Variants in OCA2 observed in about 807,000 individuals in gnomAD.
The protein encoded by OCA2 is OCA2 melanosomal transmembrane protein.
In OCA2, 77 loss-of-function variants were observed where a neutral mutation model predicts 100.2. That is an observed-to-expected ratio of 0.77 (90% CI 0.64 to 0.93). The LOEUF is 0.93. OCA2 is among the 40% of genes least tolerant of loss of function. The pLI, the probability that OCA2 is intolerant of heterozygous loss-of-function variation, is 0.00. For synonymous variants in OCA2, 432 were observed against 439.2 expected (o/e 0.98, Z 0.21); for missense variants, 1,062 against 1,089.1 (o/e 0.98, Z 0.35).
intron 2 of OCA2, among the ~76,000 whole-genome samples, chr15:28,054,330 AGT>A (rs2043620008): frequency 2.6e-5 from 4 of 152,262 alleles, no homozygotes; most frequent in Admixed American, 2.0e-4. Flanking sequence ...GCATGTATGA[AGT>A]GTGTGTTTAT....
In OCA2 at chr15:28,027,917, C is replaced by T. The variant is rs1432167731; in HGVS notation, c.469G>A (p.Asp157Asn). Reference protein sequence around the residue: ...LSASASSEKGDLLDSPHIRLR... With the variant: ...LSASASSEKGNLLDSPHIRLR... Reference sequence around the variant, plus strand: ...CGGATGTGCGGGCTGTCCAGAAGGTCTCCCTTCTCGGAGGAGGCAGATGCA... The same window carrying T: ...CGGATGTGCGGGCTGTCCAGAAGGTTTCCCTTCTCGGAGGAGGCAGATGCA... The change falls in exon 4 of 24, where the codon GAC (aspartate) becomes AAC (asparagine). Residue 157 changes from aspartate to asparagine, a missense_variant. Coordinates refer to ENST00000354638, the MANE Select transcript of OCA2 (RefSeq NM_000275.3). 6.2e-7 allele frequency: 1 copy of T among 1,614,002 alleles called. No homozygotes were observed.
chr15:27,976,293 T>C (rs2040963808), intron 14 of OCA2, among the ~76,000 whole-genome samples: 1 of 152,198 alleles, frequency 6.6e-6, no homozygotes, highest in African/African-American at 2.4e-5. Flanking sequence ...TCCAATAAAA[T>C]GTTGAATAAA....
chr15:27,881,100 T>A (rs2036995393), intron 19 of OCA2, among the ~76,000 whole-genome samples: 1 of 152,200 alleles, frequency 6.6e-6, no homozygotes, highest in African/African-American at 2.4e-5. Flanking sequence ...AGGCCTTTTT[T>A]GTGTCTATTG....
intron 2 of OCA2, among the ~76,000 whole-genome samples, chr15:28,033,137 A>G (rs1465001834): frequency 1.3e-5 from 2 of 152,248 alleles, no homozygotes; most frequent in African/African-American, 2.4e-5. Context: ...AAGTAACTGC[A>G]CAACCACAAC....
the OCA2 span, among the ~76,000 whole-genome samples, chr15:27,729,831 A>G: frequency 6.6e-6 from 1 of 152,338 alleles, no homozygotes; most frequent in South Asian, 2.1e-4. Flanking sequence ...TTAGTGTTTC[A>G]TAATTTACAC....
At chr15:27,775,438 A>T (rs2032153405) in intron 23 of OCA2, among the ~76,000 whole-genome samples, 1 of 152,108 alleles carries the variant, frequency 6.6e-6, no homozygotes, top group Admixed American at 6.5e-5. Context: ...ATGAAAGCAG[A>T]TTCTCTCCAG....
chr15:27,830,797 CAGTGAGGAGACTG>C (rs1171228995), intron 23 of OCA2, among the ~76,000 whole-genome samples: 1 of 152,112 alleles, frequency 6.6e-6, no homozygotes, highest in South Asian at 2.1e-4. Context: ...ATTCAATAGC[CAGTGAGGAGACTG>C]GAAGACTGGT....
intron 2 of OCA2, among the ~76,000 whole-genome samples, chr15:28,076,771 C>T (rs1036569078): frequency 9.3e-4 from 134 of 143,800 alleles, no homozygotes; most frequent in African/African-American, 3.4e-3. Flanking sequence ...GGCGTGAACC[C>T]GGGAAGCGGA....
At chr15:27,837,212 ATCCTCCCTAGGAAGTGCCGCAAATAAGAT>A (rs1464583530) in intron 23 of OCA2, among the ~76,000 whole-genome samples, 1 of 152,196 alleles carries the variant, frequency 6.6e-6, no homozygotes, top group Non-Finnish European at 1.5e-5. Context: ...ATAAAATCAT[ATCCTCCCTAGGAAGTGCCGCAAATAAGAT>A]TCCTTGGGCA....
intron 23 of OCA2, among the ~76,000 whole-genome samples, chr15:27,825,660 A>T (rs909927936): frequency 2.6e-5 from 4 of 152,112 alleles, no homozygotes; most frequent in African/African-American, 9.7e-5. Flanking sequence ...TTTTAGGGTG[A>T]TGTCCCCGGC....
chr15:28,085,827 C>A (rs1307889560), intron 1 of OCA2, among the ~76,000 whole-genome samples: 2 of 152,124 alleles, frequency 1.3e-5, no homozygotes, highest in African/African-American at 4.8e-5. Flanking sequence ...CAACTAAAAA[C>A]CTGATGTTTA....
chr15:27,897,914 C>T (rs113790280), intron 19 of OCA2, among the ~76,000 whole-genome samples: 25 of 152,296 alleles, frequency 1.6e-4, no homozygotes, highest in African/African-American at 5.8e-4. Context: ...CAGCATGACC[C>T]GGATGTGGGA....
chr15:28,095,132 C>T (rs2044949760), intron 1 of OCA2, among the ~76,000 whole-genome samples: 1 of 152,242 alleles, frequency 6.6e-6, no homozygotes. Flanking sequence ...CAGCCCCGGC[C>T]TTTCCCGCTG....
chr15:27,882,879 A>G (rs529534052), intron 19 of OCA2, among the ~76,000 whole-genome samples: 48 of 152,152 alleles, frequency 3.2e-4, no homozygotes, highest in Non-Finnish European at 5.1e-4. Context: ...AAGCCTTGCC[A>G]TCTTGCTTCA....
chr15:27,802,008 T>C (rs1185898602), intron 23 of OCA2, among the ~76,000 whole-genome samples: 2 of 152,086 alleles, frequency 1.3e-5, no homozygotes, highest in African/African-American at 4.8e-5. Flanking sequence ...AGTAGTGACA[T>C]ATAGATTAGA....
At chr15:27,859,948 A>C (rs765550061) in intron 21 of OCA2, among the ~76,000 whole-genome samples, 15 of 152,240 alleles carry the variant, frequency 9.9e-5, no homozygotes, top group Non-Finnish European at 1.9e-4. Context: ...CTGTGAGAAA[A>C]AGAAATGTGA....
chr15:27,786,481 T>C (rs893830788), intron 23 of OCA2, among the ~76,000 whole-genome samples: 1 of 152,208 alleles, frequency 6.6e-6, no homozygotes, highest in African/African-American at 2.4e-5. Context: ...CCACGTTGTT[T>C]GCAGTGTACA....
chr15:28,096,225 G>A (rs898130421), intron 1 of OCA2, among the ~76,000 whole-genome samples: 1 of 151,286 alleles, frequency 6.6e-6, no homozygotes, highest in East Asian at 1.9e-4. Context: ...TCTCCGGGGC[G>A]TGGTTGTGTC....
intron 19 of OCA2, among the ~76,000 whole-genome samples, chr15:27,922,998 T>G (rs1036689180): frequency 6.6e-6 from 1 of 152,134 alleles, no homozygotes. Flanking sequence ...CAGTGTGTGT[T>G]GTTCCCCTCT....
Sources: allele counts gnomAD v4.1 joint callset (sites outside exome capture counted in the v4.1 genomes callset), GRCh38; gene constraint gnomAD v4.1.1; transcripts MANE v1.5; gene names NCBI Gene and HGNC (gene_info 2026-07-23, HGNC 2026-07-21).